The following ORC5 variants were observed in gnomAD, a reference collection of about 807,000 sequenced individuals.
ORC5 encodes the protein origin recognition complex subunit 5.
In ORC5, 39 loss-of-function variants were observed where a neutral mutation model predicts 58.8. The ratio of observed to expected loss-of-function variants is 0.66; its 90% CI spans 0.51 to 0.87. ORC5 has a LOEUF of 0.87. Ranked by LOEUF, ORC5 falls within the 40% of genes least tolerant of loss-of-function variation. The pLI is 0.00. For missense variants in ORC5, 493 were observed against 506.3 expected (o/e 0.97, Z 0.25); for synonymous variants, 218 against 177.6 (o/e 1.23, Z -1.81).
intron 12 of ORC5, among the ~76,000 whole-genome samples, chr7:104,155,308 A>G (rs1798905677): frequency 6.6e-6 from 1 of 151,696 alleles, no homozygotes; most frequent in Admixed American, 6.6e-5. Context: ...AAATGAAAAT[A>G]AATTTGCAAA....
intron 13 of ORC5, among the ~76,000 whole-genome samples, chr7:104,130,642 T>C (rs957234606): frequency 2.6e-5 from 4 of 152,210 alleles, no homozygotes; most frequent in Non-Finnish European, 4.4e-5. Context: ...GACTTCACTA[T>C]ATATTTCTCT....
At chr7:104,182,554 T>C (rs528298819) in intron 8 of ORC5, among the ~76,000 whole-genome samples, 101 of 151,990 alleles carry the variant, frequency 6.6e-4, no homozygotes, top group African/African-American at 2.3e-3. Context: ...TAATACTAGA[T>C]GATAAACGGA....
chr7:104,156,798 C>A (rs537011235), intron 12 of ORC5, among the ~76,000 whole-genome samples: 4 of 151,986 alleles, frequency 2.6e-5, no homozygotes, highest in African/African-American at 9.6e-5. Context: ...TTTACATTTT[C>A]ATAAAAGTGT....
intron 8 of ORC5, among the ~76,000 whole-genome samples, chr7:104,171,307 T>A (rs1267939935): frequency 6.6e-6 from 1 of 152,228 alleles, no homozygotes; most frequent in Non-Finnish European, 1.5e-5. Flanking sequence ...GGCTTTTCCA[T>A]GTTGTCTTTT....
At chr7:104,179,527 T>C (rs1799391915) in intron 8 of ORC5, among the ~76,000 whole-genome samples, 1 of 151,354 alleles carries the variant, frequency 6.6e-6, no homozygotes, top group African/African-American at 2.5e-5. Context: ...TGGTCCACTA[T>C]ATTAGAAAGA....
chr7:104,177,561 ATT>A (rs1277516639), intron 8 of ORC5, among the ~76,000 whole-genome samples: 1 of 152,130 alleles, frequency 6.6e-6, no homozygotes, highest in Non-Finnish European at 1.5e-5. Flanking sequence ...AATGAGAATT[ATT>A]GTTTTTTTAA....
intron 1 of ORC5, among the ~76,000 whole-genome samples, chr7:104,205,084 CTCTTT>C (rs200950113): frequency 0.051 from 5,207 of 102,266 alleles, 146 homozygotes; most frequent in South Asian, 0.15. Context: ...TTTAATAATA[CTCTTT>C]TTTTTTTTTT....
chr7:104,203,460 G>A (rs1778312892), intron 2 of ORC5, among the ~76,000 whole-genome samples: 3 of 152,204 alleles, frequency 2.0e-5, no homozygotes, highest in Admixed American at 1.3e-4. Flanking sequence ...ATGAAAGGGA[G>A]TATGGCAATA....
intron 11 of ORC5, 51 bp from the exon 12 acceptor site, chr7:104,161,233 C>G (rs1276172020): frequency 2.0e-6 from 2 of 986,424 alleles, no homozygotes; most frequent in Admixed American, 3.6e-5. Flanking sequence ...CCAGAGCACT[C>G]ACTTTCTGTA....
chr7:104,162,791 C>T (rs75639381), intron 11 of ORC5, among the ~76,000 whole-genome samples: 6,776 of 152,240 alleles, frequency 0.045, 501 homozygotes, highest in African/African-American at 0.15. Flanking sequence ...TTGAAGCTTC[C>T]TTGAACCCTC....
intron 12 of ORC5, among the ~76,000 whole-genome samples, chr7:104,158,962 C>T (rs1490290095): frequency 7.2e-6 from 1 of 139,304 alleles, no homozygotes; most frequent in East Asian, 2.2e-4. Context: ...TTTGACCCAG[C>T]CATCGCAATC....
chr7:104,172,854 A>C (rs1799239664), intron 8 of ORC5, among the ~76,000 whole-genome samples: 1 of 152,196 alleles, frequency 6.6e-6, no homozygotes, highest in South Asian at 2.1e-4. Flanking sequence ...AAGAAATTTT[A>C]ATAATAGACA....
At chr7:104,174,851 C>G (rs1384125214) in intron 8 of ORC5, among the ~76,000 whole-genome samples, 1 of 152,108 alleles carries the variant, frequency 6.6e-6, no homozygotes, top group East Asian at 1.9e-4. Context: ...GTGTACAAGG[C>G]CAGTAAACAC....
chr7:104,134,028 C>T (rs1338694654), intron 13 of ORC5, among the ~76,000 whole-genome samples: 1 of 152,130 alleles, frequency 6.6e-6, no homozygotes, highest in African/African-American at 2.4e-5. Flanking sequence ...ACAGGTAGCT[C>T]AATTCTCAGT....
At chr7:104,141,839 AAAGAT>A (rs1384619577) in intron 12 of ORC5, among the ~76,000 whole-genome samples, 1 of 152,234 alleles carries the variant, frequency 6.6e-6, no homozygotes, top group Non-Finnish European at 1.5e-5. Context: ...AAATAAGTGA[AAAGAT>A]ACCTGTGTTC....
At chr7:104,169,255 C>T (rs1415653109) in intron 8 of ORC5, among the ~76,000 whole-genome samples, 5 of 152,092 alleles carry the variant, frequency 3.3e-5, no homozygotes, top group African/African-American at 1.2e-4. Context: ...TTAAGTCACC[C>T]AAGGACATTT....
At chr7:104,131,851 CA>C (rs11306183) in intron 13 of ORC5, among the ~76,000 whole-genome samples, 41,253 of 115,346 alleles carry the variant, frequency 0.36, 6,653 homozygotes, top group East Asian at 0.5. Flanking sequence ...GATTCTGTCT[CA>C]AAAAAAAAAA....
At chr7:104,205,314 T>C (rs931887247) in intron 1 of ORC5, among the ~76,000 whole-genome samples, 2 of 151,980 alleles carry the variant, frequency 1.3e-5, no homozygotes, top group African/African-American at 2.4e-5. Flanking sequence ...GGTCTCAAAC[T>C]CCTGACCTTG....
rs1405193042 is a variant in ORC5 at position 104,207,897 on chromosome 7, T to G, written c.8A>C (p.His3Pro). 1 of 1,613,956 alleles carries G rather than the reference T, an allele frequency of 6.2e-7. No homozygotes were observed. Among genetic ancestry groups the G allele is most frequent in the African/African-American group, 1.3e-5 (1 of 74,884 alleles). Residue 3 changes from histidine (H) to proline (P), a missense_variant, in exon 1 of 14, where the codon CAC (histidine) becomes CCC (proline). Physicochemically the swap from His to Pro is moderately conservative, Grantham distance 77. Around this residue, in one of 3 missense-constraint regions of ORC5, gnomAD observed 412 missense variants for 403.7 expected, o/e 1.02. Transcript: ENST00000297431. ...GCGACAAAGCACCACGTTTTCCAAG[T>G]GGGGCATTCTGGCAGGCACCACCGC... Reference protein sequence around the residue: MPHLENVVLCRES... With the variant: MPPLENVVLCRES...
Sources: allele counts gnomAD v4.1 joint callset (sites outside exome capture counted in the v4.1 genomes callset), GRCh38; gene constraint gnomAD v4.1.1; regional missense constraint gnomAD v4.1.1; transcripts MANE v1.5; gene names NCBI Gene and HGNC (gene_info 2026-07-23, HGNC 2026-07-21).